CEP350: variants seen among roughly 807,000 people sequenced by gnomAD.
The protein encoded by CEP350 is centrosome-associated protein 350.
CEP350 carries 126 observed loss-of-function variants against 331.8 expected under a neutral mutation model. That is an observed-to-expected ratio of 0.38 (90% confidence interval 0.33 to 0.44). The LOEUF (loss-of-function observed/expected upper bound fraction) is 0.44, where lower values mean the gene tolerates loss of function less well. Ranked by LOEUF, CEP350 falls within the 20% of genes least tolerant of loss-of-function variation. The pLI, the probability that CEP350 is intolerant of heterozygous loss-of-function variation, is 1.00. For missense variants in CEP350, 3,406 were observed against 3,634.6 expected (o/e 0.94, Z 1.62); for synonymous variants, 1,200 against 1,259.5 (o/e 0.95, Z 1.00).
intron 7 of CEP350, among the ~76,000 whole-genome samples, chr1:180,004,922 TC>T (rs1654145007): frequency 1.4e-5 from 1 of 73,602 alleles, no homozygotes; most frequent in Admixed American, 2.0e-4. Flanking sequence ...TTTCTTTCTT[TC>T]TTTCTTTCTT....
intron 17 of CEP350, among the ~76,000 whole-genome samples, chr1:180,038,105 A>G (rs958214205): frequency 2.6e-5 from 4 of 152,186 alleles, no homozygotes; most frequent in African/African-American, 7.2e-5. Context: ...TTCTGGCACC[A>G]TAGTTTATTT....
chr1:179,986,139 G>A, intron 1 of CEP350, 30 bp from the exon 2 acceptor site: 1 of 1,481,898 alleles, frequency 6.7e-7, no homozygotes, highest in South Asian at 1.2e-5. Context: ...TTATAAGATT[G>A]ATGTTCGGTG....
chr1:180,083,724 C>G (rs1463610635), intron 30 of CEP350, among the ~76,000 whole-genome samples: 1 of 152,126 alleles, frequency 6.6e-6, no homozygotes, highest in African/African-American at 2.4e-5. Flanking sequence ...AGCTGCATGT[C>G]TTACCAAGAC....
chr1:180,011,742 T>C (rs540575721), intron 8 of CEP350, among the ~76,000 whole-genome samples, 187 bp from the exon 9 acceptor site: 7 of 152,254 alleles, frequency 4.6e-5, no homozygotes, highest in Non-Finnish European at 7.3e-5. Flanking sequence ...GATGTGTGGG[T>C]AAATCAAGAT....
intron 30 of CEP350, among the ~76,000 whole-genome samples, chr1:180,083,784 G>A (rs1259793954): frequency 6.6e-6 from 1 of 151,996 alleles, no homozygotes; most frequent in Non-Finnish European, 1.5e-5. Context: ...ATTAGAAAGT[G>A]AAAATAAATA....
chr1:180,045,770 C>A (rs972788531), intron 21 of CEP350, among the ~76,000 whole-genome samples: 1 of 152,164 alleles, frequency 6.6e-6, no homozygotes, highest in Admixed American at 6.5e-5. Context: ...TGGTTATTCA[C>A]CTATTTGAAA....
intron 1 of CEP350, among the ~76,000 whole-genome samples, chr1:179,965,615 C>CTTTTTTTTTTTTT (rs747027286): frequency 7.0e-4 from 59 of 84,380 alleles, no homozygotes; most frequent in South Asian, 1.7e-3. Flanking sequence ...TTTTTCTTTT[C>CTTTTTTTTTTTTT]TTTTTTTTTT....
intron 31 of CEP350, among the ~76,000 whole-genome samples, chr1:180,085,034 T>C (rs370098988): frequency 6.6e-6 from 1 of 150,440 alleles, no homozygotes; most frequent in African/African-American, 2.4e-5. Context: ...CTTCCCCCTT[T>C]CCTCTTTCCT....
chr1:180,065,498 A>C (rs1386639805), intron 27 of CEP350, among the ~76,000 whole-genome samples: 1 of 152,124 alleles, frequency 6.6e-6, no homozygotes, highest in Admixed American at 6.6e-5. Flanking sequence ...ACCGAAAAAC[A>C]AGGCTAGGAG....
intron 25 of CEP350, among the ~76,000 whole-genome samples, chr1:180,055,647 C>T (rs1372932914): frequency 6.8e-6 from 1 of 146,166 alleles, no homozygotes; most frequent in Non-Finnish European, 1.5e-5. Context: ...GCCTCCCAGG[C>T]GCCATTCTCC....
intron 1 of CEP350, among the ~76,000 whole-genome samples, chr1:179,967,404 T>TA (rs1283589259): frequency 6.6e-6 from 1 of 152,190 alleles, no homozygotes; most frequent in Non-Finnish European, 1.5e-5. Context: ...GGCTATAACT[T>TA]AATGTTTCAT....
chr1:180,114,325 C>T lies in CEP350; in HGVS notation c.*3164C>T, dbSNP rs1437790204. 1 of 152,580 alleles carries T rather than the reference C, an allele frequency of 6.6e-6. No individual in the cohort carries two copies. Among genetic ancestry groups the T allele is most frequent in the Non-Finnish European group, 1.5e-5 (1 of 68,034 alleles). The allele number at this position is 152,580 out of a possible 1,614,324, so 9.5% of individuals were successfully genotyped here. ...ACAAACTTACATCTTCCTTTTACTA[C>T]CTTAAGAATACTAGTGAATAAAACA... On this transcript the variant is annotated 3_prime_UTR_variant, in exon 38 of 38. Coordinates refer to ENST00000367607, the MANE Select transcript of CEP350 (RefSeq NM_014810.5).
At chr1:180,097,906 T>G (rs1660569802) in intron 36 of CEP350, among the ~76,000 whole-genome samples, 1 of 152,218 alleles carries the variant, frequency 6.6e-6, no homozygotes, top group Admixed American at 6.5e-5. Flanking sequence ...TTCAGAGATT[T>G]ATTTTATGCT....
intron 18 of CEP350, 105 bp from the exon 19 acceptor site, chr1:180,041,556 GT>G: frequency 1.8e-6 from 2 of 1,126,508 alleles, no homozygotes; most frequent in Non-Finnish European, 2.5e-6. Flanking sequence ...GTAGTAAAGT[GT>G]TTTTTACTAT....
intron 15 of CEP350, among the ~76,000 whole-genome samples, chr1:180,031,742 TA>T (rs1276517122): frequency 2.6e-5 from 4 of 152,094 alleles, no homozygotes; most frequent in Non-Finnish European, 5.9e-5. Flanking sequence ...TCTCTCCCTC[TA>T]GCACAGCCCA....
intron 7 of CEP350, 70 bp from the exon 8 acceptor site, chr1:180,006,384 C>T: frequency 3.8e-6 from 3 of 794,990 alleles, no homozygotes; most frequent in Non-Finnish European, 6.4e-6. Flanking sequence ...CAGATTTTTC[C>T]TATGGGCGGA....
At chr1:180,067,998 C>T (rs947126651) in intron 27 of CEP350, among the ~76,000 whole-genome samples, 2 of 152,222 alleles carry the variant, frequency 1.3e-5, no homozygotes, top group East Asian at 3.8e-4. Flanking sequence ...TCTGCTACTT[C>T]ATGACTAGGA....
rs1303872725 is a variant in CEP350, at chr1:180,111,236, G to A, written c.*75G>A. ...TTCTGCCTCCTGATGTACACCCATC[G>A]CCATCATAGCAAGAGTGCTTCTGGA... On this transcript the variant is annotated 3_prime_UTR_variant, in exon 38 of 38. Coordinates refer to ENST00000367607, the MANE Select transcript of CEP350 (RefSeq NM_014810.5). The A allele has an allele frequency of 7.2e-6, 11 of 1,532,904 alleles. No individual in the cohort carries two copies. The highest frequency in any genetic ancestry group is 1.2e-5 in the South Asian group (1 of 81,772). 95.0% of individuals were successfully genotyped at this position (1,532,904 alleles called of 1,614,324 possible).
At chr1:180,042,002 G>A (rs1357135854) in intron 19 of CEP350, among the ~76,000 whole-genome samples, 200 bp downstream of exon 19, 1 of 152,020 alleles carries the variant, frequency 6.6e-6, no homozygotes, top group African/African-American at 2.4e-5. Context: ...TATAGAGGCA[G>A]AAAAAAGATG....
Sources: gnomAD v4.1 joint callset for allele counts (sites outside exome capture counted in the v4.1 genomes callset) on GRCh38, gnomAD v4.1.1 for gene constraint, MANE v1.5 for transcripts, NCBI Gene and HGNC (gene_info 2026-07-23, HGNC 2026-07-21) for gene names.